Variants in SEMA3C observed in about 807,000 individuals in gnomAD.
The protein encoded by SEMA3C is semaphorin-3C.
A neutral mutation model predicts 89.4 loss-of-function variants in SEMA3C; 47 were observed. The ratio of observed to expected loss-of-function variants is 0.53; its 90% CI spans 0.42 to 0.67. The LOEUF (loss-of-function observed/expected upper bound fraction) is 0.67, where lower values mean the gene tolerates loss of function less well. Among genes scored for constraint, SEMA3C ranks in the 30% least tolerant of loss-of-function variants. The probability of loss-of-function intolerance (pLI) is 0.00; values close to 1 mark genes in which losing one functional copy is unlikely to be tolerated. For missense variants in SEMA3C, 839 were observed against 929.1 expected, an observed-to-expected ratio of 0.90 and a Z score of 1.26; for synonymous variants, 310 against 320.2, an observed-to-expected ratio of 0.97 and a Z score of 0.34.
At chr7:80,773,116 T>A (rs947896211) in intron 12 of SEMA3C, among the ~76,000 whole-genome samples, 2 of 152,206 alleles carry the variant, frequency 1.3e-5, no homozygotes, top group African/African-American at 4.8e-5. Context: ...AAGAGAAAGC[T>A]AACAAATTAG....
intron 2 of SEMA3C, among the ~76,000 whole-genome samples, chr7:80,908,645 G>A (rs1313839489): frequency 2.0e-5 from 3 of 152,020 alleles, no homozygotes; most frequent in South Asian, 2.1e-4. Context: ...TTACATCCCC[G>A]TTATCTGTGC....
intron 12 of SEMA3C, among the ~76,000 whole-genome samples, chr7:80,770,057 G>A (rs1788395692): frequency 1.3e-5 from 2 of 152,062 alleles, no homozygotes; most frequent in African/African-American, 4.8e-5. Flanking sequence ...AATTAAGTAA[G>A]TAGTCTTAAG....
At chr7:80,799,860 A>AG (rs1469537398) in intron 10 of SEMA3C, among the ~76,000 whole-genome samples, 4 of 149,056 alleles carry the variant, frequency 2.7e-5, no homozygotes, top group Non-Finnish European at 4.5e-5. Flanking sequence ...TCTTAAAAAA[A>AG]AAAAAAAATG....
intron 2 of SEMA3C, among the ~76,000 whole-genome samples, chr7:80,908,336 T>C (rs1486578021): frequency 6.6e-6 from 1 of 152,196 alleles, no homozygotes; most frequent in African/African-American, 2.4e-5. Context: ...GCCAGCTTGG[T>C]GTACTTCACA....
At chr7:80,818,181 T>C (rs1296142387) in intron 5 of SEMA3C, 118 bp downstream of exon 5, 1 of 974,996 alleles carries the variant, frequency 1.0e-6, no homozygotes, top group Admixed American at 2.8e-5. Context: ...AGTTTGTATT[T>C]AAAGGGCATG....
intron 2 of SEMA3C, among the ~76,000 whole-genome samples, chr7:80,879,785 TA>T (rs539909780): frequency 2.5e-4 from 38 of 152,282 alleles, no homozygotes; most frequent in African/African-American, 8.9e-4. Context: ...AGAATAAGCA[TA>T]ACAGGAGGCA....
intron 12 of SEMA3C, among the ~76,000 whole-genome samples, chr7:80,787,336 G>A (rs933694661): frequency 1.3e-5 from 2 of 148,772 alleles, no homozygotes; most frequent in Non-Finnish European, 3.0e-5. Flanking sequence ...AGGTTGCAGT[G>A]AGCCGAGATC....
chr7:80,753,786 TAATA>T (rs1392183527), intron 15 of SEMA3C, among the ~76,000 whole-genome samples: 2 of 152,222 alleles, frequency 1.3e-5, no homozygotes, highest in Non-Finnish European at 2.9e-5. Flanking sequence ...TATCTTGTCT[TAATA>T]AAGTTTCTAA....
At chr7:80,870,149 A>G (rs987715562) in intron 2 of SEMA3C, among the ~76,000 whole-genome samples, 1 of 151,836 alleles carries the variant, frequency 6.6e-6, no homozygotes, top group African/African-American at 2.4e-5. Context: ...CTACATGAGC[A>G]CTCCTAGTCA....
chr7:80,790,310 AAAG>A (rs1341100959), intron 11 of SEMA3C, among the ~76,000 whole-genome samples: 1 of 151,994 alleles, frequency 6.6e-6, no homozygotes, highest in East Asian at 1.9e-4. Context: ...AGAAGAGAAA[AAAG>A]GAGGAGGAGG....
intron 11 of SEMA3C, chr7:80,793,623 A>G: frequency 2.8e-6 from 1 of 354,278 alleles, no homozygotes; most frequent in Non-Finnish European, 5.4e-6. Flanking sequence ...TCAAGAGGCA[A>G]TATTTTTAAA....
intron 13 of SEMA3C, among the ~76,000 whole-genome samples, chr7:80,761,876 A>G (rs1673102349): frequency 2.0e-5 from 3 of 151,924 alleles, no homozygotes; most frequent in Admixed American, 2.0e-4. Context: ...ACAGATATAT[A>G]CCTAAAATTT....
At chr7:80,794,620 G>A (rs1789019042) in intron 11 of SEMA3C, among the ~76,000 whole-genome samples, 2 of 152,146 alleles carry the variant, frequency 1.3e-5, no homozygotes, top group Admixed American at 6.5e-5. Flanking sequence ...AAGGCATGAT[G>A]ATGGAAGCAC....
chr7:80,807,659 C>T (rs1180430181), intron 6 of SEMA3C, among the ~76,000 whole-genome samples: 1 of 152,130 alleles, frequency 6.6e-6, no homozygotes, highest in African/African-American at 2.4e-5. Flanking sequence ...AAGATAACAT[C>T]TGACTTCGTT....
At chr7:80,888,945 C>T (rs2116138866) in intron 2 of SEMA3C, among the ~76,000 whole-genome samples, 1 of 152,256 alleles carries the variant, frequency 6.6e-6, no homozygotes, top group Non-Finnish European at 1.5e-5. Context: ...CTCACTGCAA[C>T]CTCTGCCTCC....
intron 2 of SEMA3C, among the ~76,000 whole-genome samples, chr7:80,903,061 A>G (rs1219700434): frequency 1.3e-5 from 2 of 152,184 alleles, no homozygotes; most frequent in Non-Finnish European, 2.9e-5. Context: ...CATCCCTCCT[A>G]ATGCAGATAA....
At chr7:80,843,723 C>T (rs1790325000) in intron 2 of SEMA3C, among the ~76,000 whole-genome samples, 1 of 152,044 alleles carries the variant, frequency 6.6e-6, no homozygotes, top group African/African-American at 2.4e-5. Context: ...ATTAATCCTG[C>T]TAAATAAAAA....
In SEMA3C at chr7:80,825,896, T is replaced by C. The variant is rs1031733017; in HGVS notation, c.327+1529A>G. 1.2e-4 allele frequency among the ~76,000 whole-genome samples: 19 copies of C among 152,210 alleles called. 1 individual carries two copies. The highest frequency in any genetic ancestry group is 3.9e-4 in the African/African-American group (16 of 41,466). On this transcript the variant is annotated intron_variant, in intron 4 of 17. Transcript: ENST00000265361. ...ATACTTCATTCTACCATTGGTTTCC[T>C]GGAATGTCATTGTAATGTATTTGTT...
chr7:80,841,010 G>T (rs906449094), intron 2 of SEMA3C, among the ~76,000 whole-genome samples: 1 of 152,160 alleles, frequency 6.6e-6, no homozygotes, highest in Non-Finnish European at 1.5e-5. Flanking sequence ...AGGATGATTA[G>T]AAGTCTCAGG....
Sources: allele counts gnomAD v4.1 joint callset (sites outside exome capture counted in the v4.1 genomes callset), GRCh38; gene constraint gnomAD v4.1.1; transcripts MANE v1.5; gene names NCBI Gene and HGNC (gene_info 2026-07-23, HGNC 2026-07-21).